The following NUDT3 variants were observed in gnomAD, a reference collection of about 807,000 sequenced individuals.
NUDT3 encodes diphosphoinositol polyphosphate phosphohydrolase 1.
In NUDT3, 9 loss-of-function variants were observed where a neutral mutation model predicts 23.6. The observed-to-expected ratio is 0.38, with a 90% CI of 0.23 to 0.66. The LOEUF is 0.66. Ranked by LOEUF, NUDT3 falls within the 30% of genes least tolerant of loss-of-function variation. The pLI, the probability that NUDT3 is intolerant of heterozygous loss-of-function variation, is 0.52. For synonymous variants in NUDT3, 86 were observed against 82.6 expected (o/e 1.04, Z -0.22); for missense variants, 172 against 218.5 (o/e 0.79, Z 1.34).
intron 2 of NUDT3, among the ~76,000 whole-genome samples, chr6:34,326,299 C>G (rs1581867189): frequency 6.6e-6 from 1 of 152,156 alleles, no homozygotes; most frequent in African/African-American, 2.4e-5. Context: ...TTTTATTTAA[C>G]AGTAAAATAT....
At chr6:34,360,674 C>A (rs745977364) in intron 1 of NUDT3, among the ~76,000 whole-genome samples, 1 of 152,126 alleles carries the variant, frequency 6.6e-6, no homozygotes, top group Non-Finnish European at 1.5e-5. Flanking sequence ...CTTATTCTCT[C>A]GCCCTCCGCC....
intron 1 of NUDT3, among the ~76,000 whole-genome samples, chr6:34,366,422 A>AAGAGAGAGAAAG (rs1391619967): frequency 7.1e-6 from 1 of 140,990 alleles, no homozygotes; most frequent in Admixed American, 7.3e-5. Context: ...GAGAAACAGC[A>AAGAGAGAGAAAG]AGAGAGAGAA....
At chr6:34,368,418 T>G (rs895690184) in intron 1 of NUDT3, among the ~76,000 whole-genome samples, 1 of 152,232 alleles carries the variant, frequency 6.6e-6, no homozygotes. Context: ...CCAGGAGACC[T>G]CATAAAGCAA....
chr6:34,340,311 T>C (rs139795337), intron 2 of NUDT3, among the ~76,000 whole-genome samples: 4 of 152,340 alleles, frequency 2.6e-5, no homozygotes, highest in Non-Finnish European at 4.4e-5. Flanking sequence ...GGGCATAATA[T>C]TATTTTCAGC....
intron 1 of NUDT3, among the ~76,000 whole-genome samples, chr6:34,390,890 ACTC>A (rs1233369461): frequency 6.6e-6 from 1 of 152,176 alleles, no homozygotes; most frequent in African/African-American, 2.4e-5. Flanking sequence ...ATTTTACTTT[ACTC>A]AAATATGCAT....
chr6:34,291,116 G>A (rs1480123875), intron 4 of NUDT3, among the ~76,000 whole-genome samples: 1 of 151,792 alleles, frequency 6.6e-6, no homozygotes, highest in East Asian at 1.9e-4. Context: ...ACACCACCAC[G>A]CCCAGCTAAT....
intron 1 of NUDT3, among the ~76,000 whole-genome samples, chr6:34,369,718 A>G (rs564595856): frequency 3.3e-4 from 51 of 152,284 alleles, no homozygotes; most frequent in African/African-American, 1.0e-3. Context: ...CAATGAAAAG[A>G]TTTTTTAAAA....
At chr6:34,354,005 CGATTCTCCTGCCTCA>C (rs1381409866) in intron 1 of NUDT3, among the ~76,000 whole-genome samples, 8 of 151,752 alleles carry the variant, frequency 5.3e-5, no homozygotes, top group Admixed American at 1.3e-4. Context: ...TGGGTTCAAG[CGATTCTCCTGCCTCA>C]GATTCTCCTG....
chr6:34,316,498 T>G (rs1388730979), intron 2 of NUDT3, among the ~76,000 whole-genome samples: 1 of 152,188 alleles, frequency 6.6e-6, no homozygotes, highest in African/African-American at 2.4e-5. Flanking sequence ...TCATCTGGCA[T>G]AGGTGTGAAT....
At chr6:34,327,057 G>A (rs942970726) in intron 2 of NUDT3, among the ~76,000 whole-genome samples, 99 of 151,814 alleles carry the variant, frequency 6.5e-4, no homozygotes, top group African/African-American at 2.3e-3. Context: ...GAATGGCTGG[G>A]TGCACTGATA....
chr6:34,389,167 G>A (rs988772555), intron 1 of NUDT3, among the ~76,000 whole-genome samples: 4 of 152,158 alleles, frequency 2.6e-5, no homozygotes, highest in Non-Finnish European at 4.4e-5. Context: ...GTGGAGGGAG[G>A]GAACCTGTAA....
intron 1 of NUDT3, among the ~76,000 whole-genome samples, chr6:34,366,473 AAGGGAGGGAGGGAGGGAGGGAGGG>A (rs529092584): frequency 3.4e-5 from 1 of 29,778 alleles, no homozygotes; most frequent in Non-Finnish European, 6.0e-5. Context: ...AGAGAGAGGG[AAGGGAGGGAGGGAGGGAGGGAGGG>A]AGGGAGGGAG....
chr6:34,367,131 G>A (rs1312501948), intron 1 of NUDT3, among the ~76,000 whole-genome samples: 4 of 152,008 alleles, frequency 2.6e-5, no homozygotes, highest in Non-Finnish European at 2.9e-5. Flanking sequence ...TAATCCACCC[G>A]CCTCAGCCTC....
intron 2 of NUDT3, among the ~76,000 whole-genome samples, chr6:34,306,227 T>C (rs1763676842): frequency 6.6e-6 from 1 of 152,234 alleles, no homozygotes. Context: ...GGAGGTTTAC[T>C]AGGTGTACAT....
chr6:34,338,849 A>C (rs998320852), intron 2 of NUDT3, among the ~76,000 whole-genome samples: 2 of 152,222 alleles, frequency 1.3e-5, no homozygotes, highest in Non-Finnish European at 2.9e-5. Context: ...ATTCACAGGG[A>C]ATCTGGTTGG....
chr6:34,353,419 A>C (rs994621595), intron 1 of NUDT3, among the ~76,000 whole-genome samples: 6 of 150,566 alleles, frequency 4.0e-5, no homozygotes, highest in Non-Finnish European at 5.9e-5. Flanking sequence ...TGTTTTACTT[A>C]CCTATACACA....
At chr6:34,314,586 A>G (rs1157884975) in intron 2 of NUDT3, among the ~76,000 whole-genome samples, 2 of 151,816 alleles carry the variant, frequency 1.3e-5, no homozygotes, top group African/African-American at 4.8e-5. Flanking sequence ...TTAAACCCTA[A>G]TGCCAAAAGT....
intron 2 of NUDT3, among the ~76,000 whole-genome samples, chr6:34,326,692 C>T (rs950666358): frequency 6.6e-6 from 1 of 151,948 alleles, no homozygotes; most frequent in Non-Finnish European, 1.5e-5. Context: ...CCTCTGCCTC[C>T]TAGGTTCAAG....
intron 1 of NUDT3, among the ~76,000 whole-genome samples, chr6:34,391,816 A>C (rs1765205726): frequency 6.6e-6 from 1 of 150,596 alleles, no homozygotes; most frequent in Non-Finnish European, 1.5e-5. Context: ...CCTGCCAATG[A>C]AGTGCACTAT....
Sources: gnomAD v4.1 joint callset for allele counts (sites outside exome capture counted in the v4.1 genomes callset) on GRCh38, gnomAD v4.1.1 for gene constraint, MANE v1.5 for transcripts, NCBI Gene and HGNC (gene_info 2026-07-23, HGNC 2026-07-21) for gene names.